TPCN1: variants seen among roughly 807,000 people sequenced by gnomAD.
The protein encoded by TPCN1 is two pore segment channel 1.
A neutral mutation model predicts 108.8 loss-of-function variants in TPCN1; 52 were observed. The ratio of observed to expected loss-of-function variants is 0.48; its 90% CI spans 0.38 to 0.60. The LOEUF is 0.60. Ranked by LOEUF, TPCN1 falls within the 20% of genes least tolerant of loss-of-function variation. The pLI, the probability that TPCN1 is intolerant of heterozygous loss-of-function variation, is 0.00. For missense variants in TPCN1, 806 were observed against 1,072.8 expected (o/e 0.75, Z 3.47); for synonymous variants, 446 against 433.7 (o/e 1.03, Z -0.35).
At chr12:113,275,328 C>T (rs1443284195) in intron 10 of TPCN1, among the ~76,000 whole-genome samples, 2 of 152,040 alleles carry the variant, frequency 1.3e-5, no homozygotes, top group Non-Finnish European at 2.9e-5. Context: ...ACCGCCGCCT[C>T]CCAGGTTCAA....
chr12:113,260,215 C>T, intron 2 of TPCN1, 153 bp from the exon 3 acceptor site: 5 of 789,722 alleles, frequency 6.3e-6, no homozygotes, highest in Non-Finnish European at 9.1e-6. Context: ...CTAATTCTTG[C>T]CATTATCAGT....
chr12:113,246,612 C>G (rs571115968), intron 2 of TPCN1, among the ~76,000 whole-genome samples: 4 of 152,346 alleles, frequency 2.6e-5, no homozygotes, highest in Admixed American at 2.6e-4. Flanking sequence ...GGTAAACATG[C>G]AGAGGCAAGG....
intron 22 of TPCN1, among the ~76,000 whole-genome samples, chr12:113,290,537 G>A (rs1956233946): frequency 6.6e-6 from 1 of 152,228 alleles, no homozygotes; most frequent in Admixed American, 6.5e-5. Context: ...GCCACTTGCA[G>A]AATGGGACCC....
intron 2 of TPCN1, among the ~76,000 whole-genome samples, chr12:113,258,343 G>A (rs2136564505): frequency 6.6e-6 from 1 of 152,300 alleles, no homozygotes; most frequent in Non-Finnish European, 1.5e-5. Flanking sequence ...TTAGGCACCT[G>A]TAATCCCAGC....
intron 2 of TPCN1, among the ~76,000 whole-genome samples, chr12:113,246,579 C>T (rs1954394772): frequency 6.6e-6 from 1 of 152,204 alleles, no homozygotes; most frequent in Admixed American, 6.5e-5. Flanking sequence ...CTCCTATGTC[C>T]GGCCCGGTTG....
chr12:113,293,449 G>A (rs1956333776), intron 27 of TPCN1, 100 bp downstream of exon 27: 9 of 1,144,610 alleles, frequency 7.9e-6, no homozygotes, highest in Non-Finnish European at 1.2e-5. Flanking sequence ...GGAGAAGGCT[G>A]GTAGAGAGAT....
chr12:113,239,862 AT>A (rs988486186), intron 2 of TPCN1, among the ~76,000 whole-genome samples: 1 of 151,008 alleles, frequency 6.6e-6, no homozygotes, highest in African/African-American at 2.4e-5. Context: ...GGATTTTATT[AT>A]TTTTTTTTCC....
At chr12:113,227,470 G>C (rs114983425) in intron 2 of TPCN1, among the ~76,000 whole-genome samples, 2 of 152,154 alleles carry the variant, frequency 1.3e-5, no homozygotes, top group Non-Finnish European at 2.9e-5. Flanking sequence ...TGATTTGAGG[G>C]CTTGGGGTTT....
At chr12:113,258,293 C>T (rs1481551723) in intron 2 of TPCN1, among the ~76,000 whole-genome samples, 2 of 152,080 alleles carry the variant, frequency 1.3e-5, no homozygotes, top group African/African-American at 2.4e-5. Context: ...ATGCTAAACC[C>T]TGTCTCTACT....
rs1956415211 is a variant in TPCN1, at chr12:113,296,021, C to G, written c.2396C>G (p.Ala799Gly). ...CAGCGACAACTCAGCAGCAGTGCAGCCCCCGCCGCCCAGCAGCCCCCAGGC... is the reference window on the plus strand; with the variant it reads ...CAGCGACAACTCAGCAGCAGTGCAGGCCCCGCCGCCCAGCAGCCCCCAGGC... ...EQQRQLSSSA[A>G]PAAQQPPGSR... The change falls in exon 28 of 28, where the codon GCC becomes GGC. Residue 799 changes from alanine (A) to glycine (G), a missense_variant. Coordinates refer to ENST00000335509, the MANE Select transcript of TPCN1 (RefSeq NM_017901.6). 6.2e-7 allele frequency: 1 copy of G among 1,612,984 alleles called. No individual in the cohort carries two copies. Among genetic ancestry groups the G allele is most frequent in the African/African-American group, 1.3e-5 (1 of 74,922 alleles).
chr12:113,241,765 T>C (rs1278646852), intron 2 of TPCN1, among the ~76,000 whole-genome samples: 1 of 142,132 alleles, frequency 7.0e-6, no homozygotes, highest in African/African-American at 2.8e-5. Flanking sequence ...CCTCTGCGTG[T>C]GTGTGTGTGT....
chr12:113,266,166 T>C lies in TPCN1; in HGVS notation c.238-14T>C. 6.2e-7 allele frequency: 1 copy of C among 1,613,738 alleles called. No individual in the cohort carries two copies. Among genetic ancestry groups the C allele is most frequent in the Admixed American group, 1.7e-5 (1 of 59,986 alleles). On this transcript the variant is annotated splice_polypyrimidine_tract_variant and intron_variant, in intron 3 of 27. Transcript: ENST00000335509. This position sits in a 1 kb window ranked among gnomAD's most constrained non-coding sequence, Gnocchi z 4.2. The stretch of plus-strand genomic sequence containing the variant: ...CTCCAGGCTTACATGCCCACACTAC[T>C]CTCATCTTTTCAGGAAGGCGAGAAC...
In TPCN1 at chr12:113,268,974, C is replaced by A. The variant is rs1593160307; in HGVS notation, c.659+102C>A. 7.3e-7 allele frequency: 1 copy of A among 1,362,410 alleles called. No homozygotes were observed. The highest frequency in any genetic ancestry group is 2.4e-5 in the East Asian group (1 of 42,218). The allele number at this position is 1,362,410 out of a possible 1,614,324, so 84.4% of individuals were successfully genotyped here. ...TGAGTCAGTTAGTGATGAGGTCGAC[C>A]CTGCATGCTGGTGGAGTACACGCAG... On this transcript the variant is annotated intron_variant, in intron 6 of 27. Transcript: ENST00000335509. The surrounding 1 kb of genome is among the most constrained non-coding windows in gnomAD (Gnocchi z 7.3).
Position 113,292,958 on chromosome 12 carries a change from A to C in TPCN1, c.2138A>C (p.Lys713Thr). Residue 713 changes from lysine (K) to threonine (T), a missense_variant, in exon 26 of 28, where the codon AAG becomes ACG. Physicochemically the swap from Lys to Thr is moderately conservative, Grantham distance 78. Transcript: ENST00000335509. ...SEVDGGITLE[K>T]EISKEELVAV... ...GTTGATGGTGGCATCACCCTTGAGA[A>C]GGAAATCTCCAAAGAAGAGCTGGTT... The C allele has an allele frequency of 6.2e-7, 1 of 1,613,054 alleles. No homozygotes were observed. Among genetic ancestry groups the C allele is most frequent in the Non-Finnish European group, 8.5e-7 (1 of 1,179,970 alleles).
rs767312668 is a variant in TPCN1, at chr12:113,290,946, C to T, written c.1913-6C>T. 2.2e-5 allele frequency: 35 copies of T among 1,613,594 alleles called. No homozygotes were observed. The highest frequency in any genetic ancestry group is 1.6e-4 in the East Asian group (7 of 44,888). ...CAGGATGCTTCTTTCTCTCTTCCCT[C>T]GGCAGTGACCCTGTTTGAGCTCACA... On this transcript the variant is annotated splice_polypyrimidine_tract_variant and splice_region_variant and intron_variant, in intron 22 of 27. Coordinates refer to ENST00000335509, the MANE Select transcript of TPCN1 (RefSeq NM_017901.6).
intron 2 of TPCN1, among the ~76,000 whole-genome samples, chr12:113,239,957 G>A (rs1279166853): frequency 3.9e-5 from 6 of 152,128 alleles, no homozygotes; most frequent in Non-Finnish European, 7.4e-5. Context: ...GCTGCTCCAA[G>A]CTGCCGGCTG....
At position 113,281,502 on chromosome 12, in the gene TPCN1, T is replaced by A. The variant is rs555554942; in HGVS notation, c.1342+1307T>A. Among the ~76,000 whole-genome samples, 8 of 152,318 alleles carry A rather than the reference T, an allele frequency of 5.3e-5. No individual in the cohort carries two copies. The South Asian group carries it at 1.7e-3, about 32-fold the overall frequency. On this transcript the variant is annotated intron_variant, in intron 15 of 27. Transcript: ENST00000335509. ...TGCAAAGCAATCCCAATGATATAAT[T>A]ACTAGAAACATCATTCCAATGATGT...
rs182646142 is a variant in TPCN1, at chr12:113,269,643, C to T, written c.660-114C>T. 8.0e-5 allele frequency: 70 copies of T among 869,810 alleles called. No individual in the cohort carries two copies. The East Asian group carries it at 1.1e-3, about 13-fold the overall frequency. 53.9% of individuals were successfully genotyped at this position (869,810 alleles called of 1,614,324 possible). The stretch of plus-strand genomic sequence containing the variant: ...TGAAGCATGATGTCACACCAGAGTG[C>T]GTCAGGGTTTAGTATTTCGAGTCAG... On this transcript the variant is annotated intron_variant, in intron 6 of 27. Coordinates refer to ENST00000335509, the MANE Select transcript of TPCN1 (RefSeq NM_017901.6). The surrounding 1 kb of genome is among the most constrained non-coding windows in gnomAD (Gnocchi z 5.0).
At chr12:113,221,880 C>T (rs1261781119) in intron 1 of TPCN1, among the ~76,000 whole-genome samples, 2 of 152,172 alleles carry the variant, frequency 1.3e-5, no homozygotes, top group African/African-American at 4.8e-5. Flanking sequence ...GCTGGGAGCA[C>T]GTGGAGCTGG....
Sources: allele counts gnomAD v4.1 joint callset (sites outside exome capture counted in the v4.1 genomes callset), GRCh38; gene constraint gnomAD v4.1.1; non-coding constraint Gnocchi (gnomAD v3.1); transcripts MANE v1.5; gene names NCBI Gene and HGNC (gene_info 2026-07-23, HGNC 2026-07-21).